CTNNA2: variants seen among roughly 807,000 people sequenced by gnomAD.
The protein encoded by CTNNA2 is catenin alpha 2.
CTNNA2 carries 42 observed loss-of-function variants against 101.0 expected under a neutral mutation model. The observed-to-expected ratio is 0.42, with a 90% confidence interval of 0.32 to 0.54. The LOEUF (loss-of-function observed/expected upper bound fraction) is 0.54. Among genes scored for constraint, CTNNA2 ranks in the 20% least tolerant of loss-of-function variants. The probability of loss-of-function intolerance (pLI) is 0.14; values close to 1 mark genes in which losing one functional copy is unlikely to be tolerated. For synonymous variants in CTNNA2, 450 were observed against 456.4 expected (o/e 0.99, Z 0.18); for missense variants, 871 against 1,223.1 (o/e 0.71, Z 4.29).
intron 4 of CTNNA2, among the ~76,000 whole-genome samples, chr2:79,499,922 A>G (rs534886297): frequency 1.2e-4 from 18 of 152,360 alleles, no homozygotes; most frequent in African/African-American, 4.3e-4. Context: ...ATTGGCCAGC[A>G]GCCTGGAGAC....
At chr2:79,748,731 A>G (rs184030344) in intron 3 of CTNNA2, among the ~76,000 whole-genome samples, 320 of 151,842 alleles carry the variant, frequency 2.1e-3, no homozygotes, top group Non-Finnish European at 3.3e-3. Flanking sequence ...GAATTTCTTT[A>G]TCATTAAATA....
At chr2:79,377,411 C>A (rs1677989954) in intron 4 of CTNNA2, among the ~76,000 whole-genome samples, 2 of 152,112 alleles carry the variant, frequency 1.3e-5, no homozygotes, top group East Asian at 1.9e-4. Context: ...ACCAGAAAGC[C>A]AAAATAATTT....
intron 3 of CTNNA2, among the ~76,000 whole-genome samples, chr2:79,365,646 A>G (rs1008700617): frequency 7.0e-6 from 1 of 142,994 alleles, no homozygotes; most frequent in African/African-American, 2.6e-5. Flanking sequence ...GAGAAAAAGG[A>G]AAAAAAAAAA....
At chr2:80,541,272 G>T (rs1000846214) in intron 9 of CTNNA2, among the ~76,000 whole-genome samples, 12 of 152,144 alleles carry the variant, frequency 7.9e-5, no homozygotes, top group African/African-American at 2.9e-4. Flanking sequence ...AAAATACAAG[G>T]TGAATGAAAT....
intron 15 of CTNNA2, among the ~76,000 whole-genome samples, chr2:80,599,729 T>C (rs1295439931): frequency 2.6e-5 from 4 of 152,192 alleles, no homozygotes; most frequent in Non-Finnish European, 5.9e-5. Flanking sequence ...TAATTTTCTT[T>C]ATTTTACACA....
At chr2:79,275,238 G>T (rs1675182145) in intron 2 of CTNNA2, among the ~76,000 whole-genome samples, 1 of 152,032 alleles carries the variant, frequency 6.6e-6, no homozygotes, top group Non-Finnish European at 1.5e-5. Context: ...GTGCCCAAAA[G>T]AGGTAACTGG....
At chr2:79,598,985 G>A (rs1259077574) in intron 1 of CTNNA2, among the ~76,000 whole-genome samples, 3 of 152,060 alleles carry the variant, frequency 2.0e-5, no homozygotes, top group Non-Finnish European at 4.4e-5. Context: ...TTATGAAGGT[G>A]TAAGGTCTAT....
chr2:79,963,293 G>A (rs1689790629), intron 7 of CTNNA2, among the ~76,000 whole-genome samples: 4 of 152,156 alleles, frequency 2.6e-5, no homozygotes, highest in African/African-American at 9.7e-5. Context: ...TACATAAAGA[G>A]CAGATGAGTG....
At chr2:79,186,998 C>T (rs1024694488) in intron 1 of CTNNA2, among the ~76,000 whole-genome samples, 24 of 152,240 alleles carry the variant, frequency 1.6e-4, no homozygotes, top group African/African-American at 4.6e-4. Context: ...TTTTTGAAAC[C>T]TGAAAGACCT....
At chr2:80,632,657 C>A (rs1672427098) in intron 18 of CTNNA2, among the ~76,000 whole-genome samples, 1 of 152,102 alleles carries the variant, frequency 6.6e-6, no homozygotes, top group Non-Finnish European at 1.5e-5. Context: ...TAGGGCTTAT[C>A]ATGCCCTCAT....
At chr2:79,995,029 T>G (rs1270395820) in intron 7 of CTNNA2, among the ~76,000 whole-genome samples, 1 of 152,168 alleles carries the variant, frequency 6.6e-6, no homozygotes, top group Non-Finnish European at 1.5e-5. Flanking sequence ...CACCACAATA[T>G]GGGGACAGCT....
At position 80,563,059 on chromosome 2, in the gene CTNNA2, AAAAG is replaced by A. The variant is rs1179375209; in HGVS notation, c.1741+7172_1741+7175del. ...TGTCAAAGTACAACCAAAAAAAAAA[AAAAG>A]AAAGACATGAATCTCCAGTTCTTCA... is the stretch of plus-strand genomic sequence containing the variant. On this transcript the variant is annotated intron_variant, in intron 12 of 18. Transcript: ENST00000402739. Among the ~76,000 whole-genome samples the A allele has an allele frequency of 6.0e-3, 872 of 145,012 alleles. 14 individuals carry two copies. The highest frequency in any genetic ancestry group is 0.018 in the African/African-American group (714 of 39,290).
intron 2 of CTNNA2, among the ~76,000 whole-genome samples, chr2:79,654,517 T>C (rs1003837376): frequency 6.6e-6 from 1 of 152,132 alleles, no homozygotes. Context: ...CTGTTATATT[T>C]CCTTCGATGA....
chr2:79,468,518 A>C (rs1396221969), intron 4 of CTNNA2, among the ~76,000 whole-genome samples: 2 of 152,192 alleles, frequency 1.3e-5, no homozygotes, highest in Non-Finnish European at 2.9e-5. Flanking sequence ...TCAGCTCTGC[A>C]CCAAGTGGAC....
At chr2:79,556,910 C>A (rs902129043) in intron 1 of CTNNA2, among the ~76,000 whole-genome samples, 2 of 151,944 alleles carry the variant, frequency 1.3e-5, no homozygotes, top group Non-Finnish European at 2.9e-5. Flanking sequence ...TTTTGAGTCA[C>A]TTAATTTACC....
At chr2:79,535,176 A>G (rs1383741516) in intron 1 of CTNNA2, among the ~76,000 whole-genome samples, 2 of 151,974 alleles carry the variant, frequency 1.3e-5, no homozygotes, top group Non-Finnish European at 2.9e-5. Context: ...AAAACCCTAA[A>G]TCTTTCAGAA....
intron 7 of CTNNA2, among the ~76,000 whole-genome samples, chr2:80,209,198 T>C (rs1466607047): frequency 6.8e-6 from 1 of 147,684 alleles, no homozygotes; most frequent in African/African-American, 2.6e-5. Context: ...TCTTTTTTTT[T>C]TTAATTCTTT....
intron 7 of CTNNA2, among the ~76,000 whole-genome samples, chr2:80,032,003 G>A (rs1333657521): frequency 6.6e-6 from 1 of 152,170 alleles, no homozygotes; most frequent in Admixed American, 6.5e-5. Context: ...GTGTACAACA[G>A]CATTTTTCTT....
intron 2 of CTNNA2, among the ~76,000 whole-genome samples, chr2:79,243,860 G>A (rs536028633): frequency 6.6e-6 from 1 of 152,286 alleles, no homozygotes; most frequent in South Asian, 2.1e-4. Flanking sequence ...ACCTTTCCAT[G>A]TGGGAGTGCA....
Sources: gnomAD v4.1 joint callset for allele counts (sites outside exome capture counted in the v4.1 genomes callset) on GRCh38, gnomAD v4.1.1 for gene constraint, MANE v1.5 for transcripts, NCBI Gene and HGNC (gene_info 2026-07-23, HGNC 2026-07-21) for gene names.